KIF18A: variants seen among roughly 807,000 people sequenced by gnomAD.
The protein encoded by KIF18A is kinesin-like protein KIF18A.
Under a neutral mutation model 103.3 loss-of-function variants are expected in KIF18A, and 67 were observed. The ratio of observed to expected loss-of-function variants is 0.65; its 90% CI spans 0.53 to 0.79. The LOEUF is 0.79. Ranked by LOEUF, KIF18A falls within the 30% of genes least tolerant of loss-of-function variation. The pLI, the probability that KIF18A is intolerant of heterozygous loss-of-function variation, is 0.00. For synonymous variants in KIF18A, 367 were observed against 355.5 expected, an observed-to-expected ratio of 1.03 and a Z score of -0.36; for missense variants, 1,032 against 1,062.5, an observed-to-expected ratio of 0.97 and a Z score of 0.40.
intron 13 of KIF18A, among the ~76,000 whole-genome samples, chr11:28,040,493 T>C (rs1850544831): frequency 6.6e-6 from 1 of 151,672 alleles, no homozygotes. Context: ...TATAATTCCT[T>C]CAGAAAGGCC....
chr11:28,053,924 TAA>T (rs34579022), intron 13 of KIF18A, among the ~76,000 whole-genome samples: 426 of 138,566 alleles, frequency 3.1e-3, no homozygotes, highest in Middle Eastern at 3.7e-3. Context: ...CTGGTGAGGC[TAA>T]AAAAAAAAAA....
Position 28,058,662 on chromosome 11 carries a change from CAAAAAAAAAAAA to C in KIF18A, c.1948+252_1948+263del, listed in dbSNP as rs58273868. 6.7e-4 allele frequency among the ~76,000 whole-genome samples: 43 copies of C among 64,434 alleles called. 1 individual carries two copies. The highest frequency in any genetic ancestry group is 1.4e-3 in the African/African-American group (25 of 18,076). The allele number at this position is 64,434 out of a possible 152,430, so 42.3% of individuals were successfully genotyped here. A position where few individuals can be genotyped will look rare whatever the true frequency, so the allele number is the denominator to read the frequency against. On this transcript the variant is annotated intron_variant, in intron 13 of 16. Transcript: ENST00000263181. The stretch of plus-strand genomic sequence containing the variant: ...GGGCAACAGGGTGAGACCCTGTCAC[CAAAAAAAAAAAA>C]AAAAAAAAAAAAAAAAAAAAGAAAA...
At chr11:28,107,136 A>G (rs896881774) in intron 1 of KIF18A, among the ~76,000 whole-genome samples, 2 of 152,234 alleles carry the variant, frequency 1.3e-5, no homozygotes, top group African/African-American at 2.4e-5. Context: ...GTCATTGGAT[A>G]TCACATTCTC....
intron 15 of KIF18A, among the ~76,000 whole-genome samples, chr11:28,029,364 G>C (rs1261705119): frequency 6.6e-6 from 1 of 152,084 alleles, no homozygotes; most frequent in African/African-American, 2.4e-5. Flanking sequence ...GGGATGCAAG[G>C]CTGGTTCAAT....
intron 10 of KIF18A, 151 bp downstream of exon 10, chr11:28,076,856 T>C: frequency 2.5e-6 from 1 of 404,482 alleles, no homozygotes; most frequent in South Asian, 4.3e-5. Flanking sequence ...ATTGCTTGAA[T>C]CCGGAAGGCA....
At chr11:28,081,839 T>C (rs1044655043) in intron 9 of KIF18A, among the ~76,000 whole-genome samples, 4 of 152,162 alleles carry the variant, frequency 2.6e-5, no homozygotes, top group African/African-American at 9.7e-5. Flanking sequence ...TGAAAAGAAT[T>C]TGCCATTGTA....
intron 10 of KIF18A, among the ~76,000 whole-genome samples, chr11:28,074,334 T>C (rs1409197947): frequency 6.6e-6 from 1 of 152,098 alleles, no homozygotes; most frequent in Non-Finnish European, 1.5e-5. Context: ...TGGAAGTCAT[T>C]ACATTTATCA....
At chr11:28,042,349 G>A (rs1339692893) in intron 13 of KIF18A, among the ~76,000 whole-genome samples, 1 of 151,816 alleles carries the variant, frequency 6.6e-6, no homozygotes, top group Non-Finnish European at 1.5e-5. Context: ...GCACCCTACT[G>A]TCTCTGCATA....
intron 13 of KIF18A, among the ~76,000 whole-genome samples, chr11:28,049,333 C>G (rs1336341523): frequency 1.3e-5 from 2 of 151,948 alleles, no homozygotes; most frequent in African/African-American, 2.4e-5. Flanking sequence ...TAATTTATCA[C>G]TAATGGGTTT....
intron 13 of KIF18A, chr11:28,056,971 G>A: frequency 2.7e-6 from 1 of 365,562 alleles, no homozygotes; most frequent in Non-Finnish European, 5.3e-6. Flanking sequence ...GGAAAATATA[G>A]GCAGATTTGA....
intron 5 of KIF18A, among the ~76,000 whole-genome samples, chr11:28,090,230 T>C (rs538163675): frequency 6.6e-6 from 1 of 152,216 alleles, no homozygotes; most frequent in Non-Finnish European, 1.5e-5. Context: ...ACTATTTACA[T>C]GGTCCTTATG....
chr11:28,094,091 G>A (rs778189044), intron 3 of KIF18A, among the ~76,000 whole-genome samples: 1 of 152,058 alleles, frequency 6.6e-6, no homozygotes, highest in Non-Finnish European at 1.5e-5. Context: ...ATCTAATCAT[G>A]ATAAATCCAA....
chr11:28,083,767 C>T (rs573741917), intron 7 of KIF18A, among the ~76,000 whole-genome samples: 1 of 152,248 alleles, frequency 6.6e-6, no homozygotes, highest in Admixed American at 6.5e-5. Context: ...GCTAAGAATT[C>T]ATTCCTCAAG....
chr11:28,074,749 T>C (rs1851067570), intron 10 of KIF18A, among the ~76,000 whole-genome samples: 1 of 152,128 alleles, frequency 6.6e-6, no homozygotes, highest in African/African-American at 2.4e-5. Context: ...AATTATTACT[T>C]CTGTGAAAGT....
intron 13 of KIF18A, among the ~76,000 whole-genome samples, chr11:28,050,158 T>C (rs554043040): frequency 6.6e-6 from 1 of 151,910 alleles, no homozygotes; most frequent in Admixed American, 6.6e-5. Flanking sequence ...CATGTTTCTC[T>C]CTCAGTTTCA....
At chr11:28,066,504 C>G (rs1304547211) in intron 11 of KIF18A, among the ~76,000 whole-genome samples, 1 of 151,760 alleles carries the variant, frequency 6.6e-6, no homozygotes, top group East Asian at 1.9e-4. Flanking sequence ...ATTAATGAAT[C>G]TTGTCTTTTT....
chr11:28,052,195 A>G (rs1450117373), intron 13 of KIF18A, among the ~76,000 whole-genome samples: 1 of 152,080 alleles, frequency 6.6e-6, no homozygotes, highest in Non-Finnish European at 1.5e-5. Context: ...AGCCCTTGCC[A>G]TAGTATAATC....
chr11:28,061,660 T>A (rs566412192), intron 12 of KIF18A, among the ~76,000 whole-genome samples: 3 of 152,194 alleles, frequency 2.0e-5, no homozygotes, highest in Middle Eastern at 3.4e-3. Context: ...TTTTCTTTTT[T>A]AAAAAAAGCT....
rs764850718 is a variant in KIF18A at position 28,094,775 on chromosome 11, A to C, written c.351T>G (p.Ala117=). 8 of 1,613,940 alleles carry C rather than the reference A, an allele frequency of 5.0e-6. No individual in the cohort carries two copies. In the Admixed American group the frequency reaches 6.7e-5, roughly 13 times the overall value. The part of the protein sequence containing the change: ...CTVLAYGATG[A]GKTHTMLGSA... ...ATCCTAGCATAGTGTGGGTCTTCCC[A>C]GCACCAGTGGCACCATAGGCAAGTA... The change falls in exon 3 of 17, where the codon GCT becomes GCG. Residue 117 remains alanine (A), a synonymous_variant. Transcript: ENST00000263181.
Sources: allele counts gnomAD v4.1 joint callset (sites outside exome capture counted in the v4.1 genomes callset), GRCh38; gene constraint gnomAD v4.1.1; transcripts MANE v1.5; gene names NCBI Gene and HGNC (gene_info 2026-07-23, HGNC 2026-07-21).